NCAN: variants seen among roughly 807,000 people sequenced by gnomAD.
NCAN encodes neurocan, also known as neurocan core protein.
Under a neutral mutation model 121.8 loss-of-function variants are expected in NCAN, and 47 were observed. The ratio of observed to expected loss-of-function variants is 0.39; its 90% confidence interval spans 0.31 to 0.49. The LOEUF (loss-of-function observed/expected upper bound fraction) is 0.49. Among genes scored for constraint, NCAN ranks in the 20% least tolerant of loss-of-function variants. The pLI, the probability that NCAN is intolerant of heterozygous loss-of-function variation, is 0.92. For synonymous variants in NCAN, 633 were observed against 702.0 expected, an observed-to-expected ratio of 0.90 and a Z score of 1.55; for missense variants, 1,517 against 1,773.4, an observed-to-expected ratio of 0.86 and a Z score of 2.60.
Position 19,245,378 on chromosome 19 carries a change from G to C in NCAN, c.3558G>C (p.Val1186=). 1 of 1,614,250 alleles carries C rather than the reference G, an allele frequency of 6.2e-7. No homozygotes were observed. Reference sequence around the variant, plus strand: ...TCGCGGGTGGCGAGGACTGTGTGGTGATGGTGGCGCATGAAAGCGGGCGCT... The same window carrying C: ...TCGCGGGTGGCGAGGACTGTGTGGTCATGGTGGCGCATGAAAGCGGGCGCT... The part of the protein sequence containing the change: ...NFFAGGEDCV[V]MVAHESGRWN... Residue 1186 remains valine, a synonymous_variant, in exon 13 of 15, where the codon GTG becomes GTC. Coordinates refer to ENST00000252575, the MANE Select transcript of NCAN (RefSeq NM_004386.3).
At chr19:19,242,720 A>T (rs1275449049) in intron 12 of NCAN, among the ~76,000 whole-genome samples, 1 of 152,216 alleles carries the variant, frequency 6.6e-6, no homozygotes, top group African/African-American at 2.4e-5. Flanking sequence ...AAACTTGTAC[A>T]TGAATGTTCA....
At chr19:19,238,738 G>A in intron 11 of NCAN, 1 of 400,408 alleles carries the variant, frequency 2.5e-6, no homozygotes, top group South Asian at 2.2e-5. Context: ...CATTTCTTGG[G>A]GAGGATATAG....
intron 12 of NCAN, among the ~76,000 whole-genome samples, chr19:19,243,336 T>G (rs1196691091): frequency 6.6e-6 from 1 of 151,484 alleles, no homozygotes; most frequent in African/African-American, 2.4e-5. Flanking sequence ...ACCAATATGG[T>G]AAAACCCTGT....
chr19:19,222,453 A>G (rs187403695), intron 3 of NCAN, among the ~76,000 whole-genome samples: 3 of 152,144 alleles, frequency 2.0e-5, no homozygotes, highest in Admixed American at 6.5e-5. Context: ...TAATTTTTGT[A>G]TTTTTAGTAG....
chr19:19,230,235 A>G (rs1046394221), intron 8 of NCAN, among the ~76,000 whole-genome samples: 1 of 151,578 alleles, frequency 6.6e-6, no homozygotes, highest in African/African-American at 2.4e-5. Context: ...AGTAGAGACA[A>G]GGCTTCACCA....
Position 19,225,349 on chromosome 19 carries a change from C to A in NCAN, c.1072+79C>A. ...CACGTCCCTGAAAGCCTCGCCAAGCCAAGGGAGAGACACATGGAAGCTCGC... is the reference window on the plus strand; with the variant it reads ...CACGTCCCTGAAAGCCTCGCCAAGCAAAGGGAGAGACACATGGAAGCTCGC... On this transcript the variant is annotated intron_variant, in intron 6 of 14. Coordinates refer to ENST00000252575, the MANE Select transcript of NCAN (RefSeq NM_004386.3). This position sits in a 1 kb window ranked among gnomAD's most constrained non-coding sequence, Gnocchi z 4.0. 7.1e-7 allele frequency: 1 copy of A among 1,412,180 alleles called. No homozygotes were observed. 87.5% of individuals were successfully genotyped at this position (1,412,180 alleles called of 1,614,324 possible).
chr19:19,231,440 T>A (rs1270129742), intron 8 of NCAN, among the ~76,000 whole-genome samples: 2 of 151,802 alleles, frequency 1.3e-5, no homozygotes, highest in African/African-American at 2.4e-5. Context: ...GTGATTTTCA[T>A]GCCTCAGCCT....
At position 19,238,263 on chromosome 19, in the gene NCAN, C is replaced by T. The variant is rs2060889376; in HGVS notation, c.3261C>T (p.Gly1087=). The change falls in exon 11 of 15, where the codon GGC becomes GGT. Residue 1087 remains glycine, a synonymous_variant. Coordinates refer to ENST00000252575, the MANE Select transcript of NCAN (RefSeq NM_004386.3). ...TATCCCATCTCCCAGACACCGAGGGCTGTGACCGCGGCTGGCATAAGTTCC... is the reference window on the plus strand; with the variant it reads ...TATCCCATCTCCCAGACACCGAGGGTTGTGACCGCGGCTGGCATAAGTTCC... ...GGSFCEKDTE[G]CDRGWHKFQG... 6.2e-7 allele frequency: 1 copy of T among 1,614,056 alleles called. No homozygotes were observed. Among genetic ancestry groups the T allele is most frequent in the Non-Finnish European group, 8.5e-7 (1 of 1,180,032 alleles).
chr19:19,242,778 A>G (rs905452127), intron 12 of NCAN, among the ~76,000 whole-genome samples: 2 of 152,196 alleles, frequency 1.3e-5, no homozygotes, highest in Non-Finnish European at 2.9e-5. Context: ...CAAAATACCC[A>G]TCAACAGATG....
At chr19:19,237,023 T>A (rs889329392) in intron 10 of NCAN, among the ~76,000 whole-genome samples, 1 of 152,100 alleles carries the variant, frequency 6.6e-6, no homozygotes, top group Non-Finnish European at 1.5e-5. Context: ...AAGTGATTCT[T>A]GTGCCTCAAT....
intron 1 of NCAN, among the ~76,000 whole-genome samples, chr19:19,216,290 A>G (rs2060795607): frequency 2.0e-5 from 3 of 150,964 alleles, no homozygotes; most frequent in Admixed American, 6.6e-5. Context: ...CTGGGACCAC[A>G]GGTGTGCGCC....
chr19:19,224,430 G>A lies in NCAN; in HGVS notation c.775G>A (p.Gly259Arg). ...TGTGTATTGCTTTGCCCGGGAGCTG[G>A]GGGGTAAGTCTGGGACTGGCAGGAC... ...YDVYCFAREL[G>R]GEVFYVGPAR... The change falls in exon 5 of 15, where the codon GGG becomes AGG. Residue 259 changes from glycine to arginine, a missense_variant. Gly to Arg is a moderately radical substitution (Grantham distance 125, BLOSUM62 -2). Transcript: ENST00000252575. The A allele has an allele frequency of 6.2e-7, 1 of 1,613,094 alleles. No homozygotes were observed. The highest frequency in any genetic ancestry group is 1.3e-5 in the African/African-American group (1 of 74,966).
chr19:19,237,954 G>T (rs1287029111), intron 10 of NCAN, among the ~76,000 whole-genome samples: 2 of 152,100 alleles, frequency 1.3e-5, no homozygotes, highest in African/African-American at 4.8e-5. Context: ...GAGGTGGGAG[G>T]ATTGCTTGAG....
In NCAN at chr19:19,228,333, G is replaced by A; in HGVS notation, c.2713G>A (p.Val905Met). ...SQPHPEPEDQ[V>M]ETQGTSGASV... ...ACCCCACCCAGAGCCAGAGGATCAG[G>A]TGGAGACCCAGGGAACATCAGGAGC... The change falls in exon 8 of 15, where the codon GTG (valine) becomes ATG (methionine). Residue 905 changes from valine (V) to methionine (M), a missense_variant. By Grantham distance (21) the Val-to-Met change is conservative. Coordinates refer to ENST00000252575, the MANE Select transcript of NCAN (RefSeq NM_004386.3). 6.2e-7 allele frequency: 1 copy of A among 1,613,976 alleles called. No individual in the cohort carries two copies. Among genetic ancestry groups the A allele is most frequent in the Non-Finnish European group, 8.5e-7 (1 of 1,180,028 alleles).
In NCAN at chr19:19,245,387, G is replaced by T. The variant is rs149217870; in HGVS notation, c.3567G>T (p.Ala1189=). Residue 1189 remains alanine (A), a synonymous_variant, in exon 13 of 15, where the codon GCG becomes GCT. Transcript: ENST00000252575. ...AGGEDCVVMV[A]HESGRWNDVP... Reference sequence around the variant, plus strand: ...GCGAGGACTGTGTGGTGATGGTGGCGCATGAAAGCGGGCGCTGGAACGATG... The same window carrying T: ...GCGAGGACTGTGTGGTGATGGTGGCTCATGAAAGCGGGCGCTGGAACGATG... 7.4e-6 allele frequency: 12 copies of T among 1,614,082 alleles called. No homozygotes were observed. The highest frequency in any genetic ancestry group is 1.7e-5 in the Admixed American group (1 of 60,002).
rs748635441 is a variant in NCAN, at chr19:19,228,631, C to T, written c.3011C>T (p.Ala1004Val). The change falls in exon 8 of 15, where the codon GCG becomes GTG. Residue 1004 changes from alanine (A) to valine (V), a missense_variant. Coordinates refer to ENST00000252575, the MANE Select transcript of NCAN (RefSeq NM_004386.3). ...ALPGTPMNAGAEEVHSDPCEN... is the reference protein window; with the variant it reads ...ALPGTPMNAGVEEVHSDPCEN... ...CCAGGGACCCCTATGAATGCAGGTG[C>T]GGAGGAGGGTGAGTACAAAGTCCCG... 11 of 1,608,316 alleles carry T rather than the reference C, an allele frequency of 6.8e-6. No individual in the cohort carries two copies. The highest frequency in any genetic ancestry group is 2.2e-5 in the East Asian group (1 of 44,774).
In NCAN at chr19:19,245,346, A is replaced by C. The variant is rs774316824; in HGVS notation, c.3526A>C (p.Asn1176His). The stretch of plus-strand genomic sequence containing the variant: ...GAACTGGCGAGAGAACCAGCCGGAC[A>C]ATTTCTTCGCGGGTGGCGAGGACTG... ...FENWRENQPD[N>H]FFAGGEDCVV... Residue 1176 changes from asparagine (N) to histidine (H), a missense_variant, in exon 13 of 15, where the codon AAT becomes CAT. Coordinates refer to ENST00000252575, the MANE Select transcript of NCAN (RefSeq NM_004386.3). The C allele has an allele frequency of 2.5e-5, 41 of 1,614,078 alleles. No individual in the cohort carries two copies. The highest frequency in any genetic ancestry group is 3.4e-5 in the Non-Finnish European group (40 of 1,180,032).
intron 3 of NCAN, 115 bp downstream of exon 3, chr19:19,219,431 A>G (rs1251090766): frequency 8.7e-7 from 1 of 1,150,478 alleles, no homozygotes; most frequent in Admixed American, 3.0e-5. Flanking sequence ...CTGGTGTCTC[A>G]TGCCTGTAAT....
chr19:19,219,595 T>C (rs1397772277), intron 3 of NCAN, among the ~76,000 whole-genome samples: 1 of 119,552 alleles, frequency 8.4e-6, no homozygotes, highest in African/African-American at 3.2e-5. Context: ...TTGGGAGGCA[T>C]AGGTGGGAGG....
Sources: gnomAD v4.1 joint callset for allele counts (sites outside exome capture counted in the v4.1 genomes callset) on GRCh38, gnomAD v4.1.1 for gene constraint, Gnocchi (gnomAD v3.1) non-coding constraint, MANE v1.5 for transcripts, NCBI Gene and HGNC (gene_info 2026-07-23, HGNC 2026-07-21) for gene names.